SRRM3: variants seen among roughly 807,000 people sequenced by gnomAD.
SRRM3 encodes the protein serine/arginine repetitive matrix protein 3.
Under a neutral mutation model 66.2 loss-of-function variants are expected in SRRM3, and 27 were observed. The ratio of observed to expected loss-of-function variants is 0.41; its 90% CI spans 0.30 to 0.56. SRRM3 has a LOEUF of 0.56. SRRM3 is among the 20% of genes least tolerant of loss of function. SRRM3 has a pLI of 0.32. For missense variants in SRRM3, 918 were observed against 991.9 expected (o/e 0.93, Z 1.00); for synonymous variants, 391 against 414.9 (o/e 0.94, Z 0.70).
chr7:76,261,550 G>A lies in SRRM3; in HGVS notation c.643G>A (p.Asp215Asn), dbSNP rs377579617. The change falls in exon 8 of 15, where the codon GAT becomes AAT. Residue 215 changes from aspartate (D) to asparagine (N), a missense_variant. By Grantham distance (23) the Asp-to-Asn change is conservative. Coordinates refer to ENST00000611745, the MANE Select transcript of SRRM3 (RefSeq NM_001110199.3). ...AACTCCTTTATCGCCCTACAGGTCT[G>A]ATTCTGGGTCCCGGAGGAAGAGACG... is the stretch of plus-strand genomic sequence containing the variant. ...SVKKHRRDRS[D>N]SGSRRKRRHR... 3.1e-6 allele frequency: 5 copies of A among 1,611,936 alleles called. No homozygotes were observed. In the African/African-American group the frequency reaches 6.7e-5, roughly 22 times the overall value.
intron 3 of SRRM3, among the ~76,000 whole-genome samples, chr7:76,252,850 A>T (rs1324848770): frequency 1.3e-5 from 2 of 152,160 alleles, no homozygotes; most frequent in Non-Finnish European, 2.9e-5. Flanking sequence ...GGGATTGTGA[A>T]CTATGAAGCA....
intron 12 of SRRM3, 67 bp downstream of exon 12, chr7:76,281,869 G>C: frequency 1.8e-6 from 2 of 1,100,878 alleles, no homozygotes; most frequent in Non-Finnish European, 2.2e-6. Context: ...TCCACTAGCG[G>C]ATCCCTGCCC....
chr7:76,230,750 TAC>T (rs1238763376), intron 1 of SRRM3, among the ~76,000 whole-genome samples: 136 of 96,524 alleles, frequency 1.4e-3, no homozygotes, highest in African/African-American at 2.4e-3. Flanking sequence ...TTCTTTTACT[TAC>T]TTTTTTTTTT....
chr7:76,235,176 A>T lies in SRRM3; in HGVS notation c.110A>T (p.Glu37Val). ...TCGGGGACCTGGCCGCGGGCGGAAG[A>T]GGAGCTGCGCGCCGCGGAGCCGGGC... ...SSSGTWPRAE[E>V]ELRAAEPGLV... The change falls in exon 2 of 15, where the codon GAG (glutamate) becomes GTG (valine). Residue 37 changes from glutamate (E) to valine (V), a missense_variant. Glu to Val is a moderately radical substitution (Grantham distance 121). Coordinates refer to ENST00000611745, the MANE Select transcript of SRRM3 (RefSeq NM_001110199.3). 1 of 1,550,162 alleles carries T rather than the reference A, an allele frequency of 6.5e-7. No homozygotes were observed. Among genetic ancestry groups the T allele is most frequent in the African/African-American group, 1.4e-5 (1 of 73,330 alleles).
At chr7:76,215,551 A>T (rs190355801) in intron 1 of SRRM3, among the ~76,000 whole-genome samples, 1 of 150,812 alleles carries the variant, frequency 6.6e-6, no homozygotes. Flanking sequence ...ACAGGCGTGC[A>T]CTACTACACT....
At chr7:76,215,955 G>T (rs1429368494) in intron 1 of SRRM3, among the ~76,000 whole-genome samples, 2 of 149,874 alleles carry the variant, frequency 1.3e-5, no homozygotes, top group African/African-American at 5.0e-5. Context: ...CCACCACCAC[G>T]CCCAGCTAAT....
At position 76,282,890 on chromosome 7, in the gene SRRM3, C is replaced by G; in HGVS notation, c.1595+18C>G. On this transcript the variant is annotated intron_variant, in intron 13 of 14. Transcript: ENST00000611745. ...CTCAGCCGGTGAGTGCCCGCCCGGA[C>G]CGGGCCGACGGGGCGGGCGGCGGGG... 1.5e-6 allele frequency: 2 copies of G among 1,332,386 alleles called. No individual in the cohort carries two copies. The highest frequency in any genetic ancestry group is 2.0e-5 in the South Asian group (1 of 50,496). 82.5% of individuals were successfully genotyped at this position (1,332,386 alleles called of 1,614,324 possible).
chr7:76,284,264 T>C (rs936223671), intron 14 of SRRM3, among the ~76,000 whole-genome samples: 3 of 148,448 alleles, frequency 2.0e-5, no homozygotes, highest in Middle Eastern at 3.5e-3. Context: ...AACCTCCACC[T>C]CCCAGGTTTA....
Position 76,261,405 on chromosome 7 carries a change from G to A in SRRM3, c.629G>A (p.Arg210His), listed in dbSNP as rs782810649. ...RKKKKSVKKH[R>H]RDRSDSGSRR... ...AAGAAGAAGAGTGTGAAGAAGCATC[G>A]CCGAGACAGGTACCCTTGCTGCCCC... is the stretch of plus-strand genomic sequence containing the variant. Residue 210 changes from arginine (R) to histidine (H), a missense_variant, in exon 7 of 15, where the codon CGC (arginine) becomes CAC (histidine). Physicochemically the swap from Arg to His is conservative, Grantham distance 29 (BLOSUM62 0). Coordinates refer to ENST00000611745, the MANE Select transcript of SRRM3 (RefSeq NM_001110199.3). The A allele has an allele frequency of 3.4e-5, 55 of 1,604,678 alleles. No individual in the cohort carries two copies. The highest frequency in any genetic ancestry group is 4.3e-5 in the Non-Finnish European group (51 of 1,176,850).
At chr7:76,274,949 T>G (rs1402309561) in intron 11 of SRRM3, among the ~76,000 whole-genome samples, 2 of 151,754 alleles carry the variant, frequency 1.3e-5, no homozygotes, top group Non-Finnish European at 1.5e-5. Flanking sequence ...CTACTAAAAA[T>G]ACAAAAATTA....
At chr7:76,239,586 C>A (rs1310999638) in intron 2 of SRRM3, among the ~76,000 whole-genome samples, 6 of 151,930 alleles carry the variant, frequency 3.9e-5, no homozygotes, top group African/African-American at 1.5e-4. Flanking sequence ...GCCTGTGGTC[C>A]CAGCTACTCA....
At chr7:76,267,544 G>GGCGGGGGCGGCC (rs1802102898) in intron 11 of SRRM3, 109 bp downstream of exon 11, 1 of 681,566 alleles carries the variant, frequency 1.5e-6, no homozygotes, top group Non-Finnish European at 2.0e-6. Context: ...TGGGGGCGGG[G>GGCGGGGGCGGCC]GCGGGGGCGG....
intron 3 of SRRM3, among the ~76,000 whole-genome samples, chr7:76,255,930 TG>T (rs1343448467): frequency 6.6e-6 from 1 of 152,186 alleles, no homozygotes; most frequent in Non-Finnish European, 1.5e-5. Flanking sequence ...ACGGCCCCTC[TG>T]TTTAACGGTG....
chr7:76,239,596 A>G (rs1801232448), intron 2 of SRRM3, among the ~76,000 whole-genome samples: 1 of 152,052 alleles, frequency 6.6e-6, no homozygotes, highest in South Asian at 2.1e-4. Flanking sequence ...CCAGCTACTC[A>G]GAAGGCTGAG....
intron 11 of SRRM3, among the ~76,000 whole-genome samples, chr7:76,278,291 A>ATTG (rs1802409392): frequency 6.6e-6 from 1 of 152,132 alleles, no homozygotes; most frequent in African/African-American, 2.4e-5. Flanking sequence ...GCTCAAGACC[A>ATTG]GCCTGGCCAA....
intron 2 of SRRM3, among the ~76,000 whole-genome samples, chr7:76,240,208 T>G (rs10464565): frequency 0.37 from 55,797 of 150,312 alleles, 12,277 homozygotes; most frequent in East Asian, 0.6. Flanking sequence ...AATTAGCTGG[T>G]CATAGTGGCA....
chr7:76,247,882 A>T (rs544078557), intron 2 of SRRM3, among the ~76,000 whole-genome samples: 2 of 152,116 alleles, frequency 1.3e-5, no homozygotes, highest in Admixed American at 6.6e-5. Context: ...TTTAGTAGAG[A>T]CAGGGTTTCG....
chr7:76,279,705 G>T (rs1802446182), intron 11 of SRRM3, among the ~76,000 whole-genome samples: 1 of 152,054 alleles, frequency 6.6e-6, no homozygotes. Flanking sequence ...ACGTGGCCAG[G>T]GTCACTCGGT....
At chr7:76,267,228 T>G in intron 10 of SRRM3, 30 bp from the exon 11 acceptor site, 1 of 1,490,912 alleles carries the variant, frequency 6.7e-7, no homozygotes, top group Non-Finnish European at 8.9e-7. Flanking sequence ...CCACGCCGAC[T>G]CCCCCATTCT....
Sources: allele counts gnomAD v4.1 joint callset (sites outside exome capture counted in the v4.1 genomes callset), GRCh38; gene constraint gnomAD v4.1.1; transcripts MANE v1.5; gene names NCBI Gene and HGNC (gene_info 2026-07-23, HGNC 2026-07-21).